Variants in RBM7 observed in about 807,000 individuals in gnomAD.
RBM7 encodes the protein RNA-binding protein 7.
Under a neutral mutation model 31.0 loss-of-function variants are expected in RBM7, and 13 were observed. The observed-to-expected ratio is 0.42, with a 90% CI of 0.27 to 0.67. RBM7 has a LOEUF of 0.67. Ranked by LOEUF, RBM7 falls within the 30% of genes least tolerant of loss-of-function variation. RBM7 has a pLI of 0.24. For missense variants in RBM7, 245 were observed against 326.2 expected (o/e 0.75, Z 1.92); for synonymous variants, 106 against 111.2 (o/e 0.95, Z 0.30).
intron 1 of RBM7, among the ~76,000 whole-genome samples, 153 bp downstream of exon 1, chr11:114,400,920 G>T (rs140387058): frequency 1.3e-5 from 2 of 152,238 alleles, no homozygotes; most frequent in Non-Finnish European, 2.9e-5. Context: ...AACGCTCGCT[G>T]GGTGTCGCTT....
Position 114,410,125 on chromosome 11 carries a change from A to G in RBM7, c.*2318A>G, listed in dbSNP as rs1477756031. On this transcript the variant is annotated 3_prime_UTR_variant, in exon 5 of 5. Transcript: ENST00000375490. ...TTCAGATTTGGGATGCTTCATCTAT[A>G]TTGACAGCTGCAAGAACAGAAAGGA... 3 of 152,116 alleles carry G rather than the reference A, an allele frequency of 2.0e-5. No homozygotes were observed. The East Asian group carries it at 5.8e-4, about 29-fold the overall frequency. 9.4% of individuals were successfully genotyped at this position (152,116 alleles called of 1,614,324 possible). A position where few individuals can be genotyped will look rare whatever the true frequency, so the allele number is the denominator to read the frequency against.
intron 2 of RBM7, 99 bp from the exon 3 acceptor site, chr11:114,402,729 A>T: frequency 9.6e-7 from 1 of 1,045,812 alleles, no homozygotes; most frequent in Non-Finnish European, 1.5e-6. Context: ...TTTCTCTTTT[A>T]GATTGTGTTT....
chr11:114,402,342 C>T (rs79975601), intron 2 of RBM7: 6,150 of 153,506 alleles, frequency 0.04, 144 homozygotes, highest in Middle Eastern at 0.088. Flanking sequence ...TAATTTTCAC[C>T]CCGATGAAGC....
intron 3 of RBM7, among the ~76,000 whole-genome samples, chr11:114,403,502 A>C (rs1158674333): frequency 6.6e-6 from 1 of 152,204 alleles, no homozygotes; most frequent in Non-Finnish European, 1.5e-5. Flanking sequence ...AGTATTAGAA[A>C]ATATCATATT....
In RBM7 at chr11:114,402,382, CTTTTTTTTTTTTTTTTTTTT is replaced by C. The variant is rs71063570; in HGVS notation, c.260-426_260-407del. 2.0e-3 allele frequency among the ~76,000 whole-genome samples: 100 copies of C among 50,172 alleles called. 1 individual carries two copies. The South Asian group carries it at 0.021, about 11-fold the overall frequency. The allele number at this position is 50,172 out of a possible 152,430, so 32.9% of individuals were successfully genotyped here. ...AAGCGGTCTACAGCAGCTTGAGATTCTTTTTTTTTTTTTTTTTTTTTTTTTTTTTTTTTTTTTTTGAGATG... is the reference window on the plus strand; with the variant it reads ...AAGCGGTCTACAGCAGCTTGAGATTCTTTTTTTTTTTTTTTTTTTGAGATG... On this transcript the variant is annotated intron_variant, in intron 2 of 4. Transcript: ENST00000375490.
chr11:114,403,014 A>G, intron 3 of RBM7, 99 bp downstream of exon 3: 1 of 1,034,968 alleles, frequency 9.7e-7, no homozygotes, highest in Non-Finnish European at 1.5e-6. Context: ...TTATTCTCTT[A>G]TCTCTTCATT....
chr11:114,400,782 T>G lies in RBM7; in HGVS notation c.96+15T>G. ...TTTTCCACCAGGTAAGCGGCTGGGT[T>G]CGGCCCTTTGCCTTTCGTTTTCCGT... On this transcript the variant is annotated intron_variant, in intron 1 of 4. Transcript: ENST00000375490. The G allele has an allele frequency of 1.2e-6, 2 of 1,614,122 alleles. No individual in the cohort carries two copies. Among genetic ancestry groups the G allele is most frequent in the South Asian group, 2.2e-5 (2 of 91,088 alleles).
At chr11:114,406,999 A>C (rs9787875) in intron 4 of RBM7, 58,838 of 153,838 alleles carry the variant, frequency 0.38, 11,569 homozygotes, top group South Asian at 0.51. Flanking sequence ...ACCTGTCTCA[A>C]AGAATTACTT....
intron 3 of RBM7, among the ~76,000 whole-genome samples, chr11:114,404,846 A>G (rs917222448): frequency 2.0e-5 from 3 of 152,236 alleles, no homozygotes; most frequent in Non-Finnish European, 2.9e-5. Context: ...AAAGTGTAAG[A>G]CCAGCCAATT....
At position 114,401,880 on chromosome 11, in the gene RBM7, C is replaced by CG. The variant is rs774263814; in HGVS notation, c.259+26dup. On this transcript the variant is annotated intron_variant, in intron 2 of 4. Coordinates refer to ENST00000375490, the MANE Select transcript of RBM7 (RefSeq NM_001286045.2). ...GATCAGGTAACTGCCCAATGAGGTT[C>CG]GGGGGGCATTGTTTCCTGCTGTTTT... 7 of 1,556,362 alleles carry CG rather than the reference C, an allele frequency of 4.5e-6. No individual in the cohort carries two copies. The highest frequency in any genetic ancestry group is 5.2e-6 in the Non-Finnish European group (6 of 1,159,068).
At chr11:114,401,348 A>G (rs1431972452) in intron 1 of RBM7, among the ~76,000 whole-genome samples, 3 of 152,212 alleles carry the variant, frequency 2.0e-5, no homozygotes, top group African/African-American at 7.2e-5. Context: ...AATCAATACA[A>G]AAGTCCGTTT....
At chr11:114,405,645 C>T in intron 3 of RBM7, 61 bp from the exon 4 acceptor site, 2 of 1,197,862 alleles carry the variant, frequency 1.7e-6, no homozygotes, top group Non-Finnish European at 2.4e-6. Context: ...GTGTTCTGCT[C>T]ATGGTTGTTA....
chr11:114,401,861 G>A lies in RBM7; in HGVS notation c.259+1G>A. Reference sequence around the variant, plus strand: ...CCTATCAAAATTCAATTTAGATCAGGTAACTGCCCAATGAGGTTCGGGGGG... The same window carrying A: ...CCTATCAAAATTCAATTTAGATCAGATAACTGCCCAATGAGGTTCGGGGGG... On this transcript the variant is annotated splice_donor_variant, in intron 2 of 4. Transcript: ENST00000375490. LOFTEE classifies it high-confidence loss of function. 6.3e-7 allele frequency: 1 copy of A among 1,586,912 alleles called. No individual in the cohort carries two copies. The highest frequency in any genetic ancestry group is 8.5e-7 in the Non-Finnish European group (1 of 1,170,592).
chr11:114,407,273 A>G (rs892936299), intron 4 of RBM7, 172 bp from the exon 5 acceptor site: 2 of 595,714 alleles, frequency 3.4e-6, no homozygotes, highest in South Asian at 2.4e-5. Context: ...TTATGTATAT[A>G]TATGTATCTT....
intron 2 of RBM7, among the ~76,000 whole-genome samples, chr11:114,402,382 C>G (rs1372623919): frequency 2.0e-5 from 1 of 50,126 alleles, no homozygotes; most frequent in Admixed American, 3.0e-4. Flanking sequence ...GCTTGAGATT[C>G]TTTTTTTTTT....
At chr11:114,405,099 T>G (rs2135353776) in intron 3 of RBM7, among the ~76,000 whole-genome samples, 1 of 152,354 alleles carries the variant, frequency 6.6e-6, no homozygotes, top group Non-Finnish European at 1.5e-5. Context: ...GTTTCTTCCC[T>G]CATTCCACAT....
intron 2 of RBM7, among the ~76,000 whole-genome samples, chr11:114,402,382 CTTTTTTTTTTTTTTTTTTTTTTTTTTTTT>C (rs71063570): frequency 8.4e-4 from 42 of 50,162 alleles, no homozygotes; most frequent in African/African-American, 2.9e-3. Context: ...GCTTGAGATT[CTTTTTTTTTTTTTTTTTTTTTTTTTTTTT>C]TTTTTTTTTT....
At chr11:114,401,611 T>C (rs901620014) in intron 1 of RBM7, 87 bp from the exon 2 acceptor site, 4 of 1,139,264 alleles carry the variant, frequency 3.5e-6, no homozygotes, top group Non-Finnish European at 4.7e-6. Flanking sequence ...TTCTGTTGTT[T>C]TTAAACTTTG....
intron 3 of RBM7, among the ~76,000 whole-genome samples, chr11:114,403,160 G>A (rs1282374898): frequency 6.6e-6 from 1 of 152,046 alleles, no homozygotes; most frequent in Non-Finnish European, 1.5e-5. Flanking sequence ...TTGTTGATTT[G>A]TAGCGACATA....
Sources: allele counts gnomAD v4.1 joint callset (sites outside exome capture counted in the v4.1 genomes callset), GRCh38; gene constraint gnomAD v4.1.1; transcripts MANE v1.5; gene names NCBI Gene and HGNC (gene_info 2026-07-23, HGNC 2026-07-21).